CSMD1: variants seen among roughly 807,000 people sequenced by gnomAD.
CSMD1 encodes CUB and sushi domain-containing protein 1.
In CSMD1, 213 loss-of-function variants were observed where a neutral mutation model predicts 417.5. The observed-to-expected ratio is 0.51, with a 90% CI of 0.46 to 0.57. The LOEUF (loss-of-function observed/expected upper bound fraction) is 0.57, where lower values mean the gene tolerates loss of function less well. CSMD1 is among the 20% of genes least tolerant of loss of function. CSMD1 has a pLI of 0.00. For missense variants in CSMD1, 6,923 were observed against 4,529.7 expected, an observed-to-expected ratio of 1.53 and a Z score of -15.17; for synonymous variants, 2,862 against 1,736.8, an observed-to-expected ratio of 1.65 and a Z score of -16.11.
In CSMD1 at chr8:3,401,024, G is replaced by A. The variant is rs908963305; in HGVS notation, c.2267-1495C>T. On this transcript the variant is annotated intron_variant, in intron 15 of 69. Coordinates refer to ENST00000635120, the MANE Select transcript of CSMD1 (RefSeq NM_033225.6). ...TCTTAAATTCACATTTGCAGCCTATGAATCACATATCGATATACATAATTA... is the reference window on the plus strand; with the variant it reads ...TCTTAAATTCACATTTGCAGCCTATAAATCACATATCGATATACATAATTA... 1.5e-4 allele frequency among the ~76,000 whole-genome samples: 22 copies of A among 151,652 alleles called. No individual in the cohort carries two copies. In the South Asian group the frequency reaches 4.2e-3, roughly 29 times the overall value.
At chr8:3,610,275 G>A (rs547660245) in intron 8 of CSMD1, among the ~76,000 whole-genome samples, 6 of 152,156 alleles carry the variant, frequency 3.9e-5, no homozygotes, top group Admixed American at 6.6e-5. Flanking sequence ...CACGGTATCA[G>A]TAATTCCAGC....
intron 7 of CSMD1, among the ~76,000 whole-genome samples, chr8:3,703,763 T>C (rs1801006794): frequency 6.6e-6 from 1 of 152,254 alleles, no homozygotes; most frequent in East Asian, 1.9e-4. Flanking sequence ...GGCCAGCTAT[T>C]ACATACCTGT....
intron 1 of CSMD1, among the ~76,000 whole-genome samples, chr8:4,778,582 T>G (rs765785867): frequency 3.3e-5 from 5 of 152,216 alleles, no homozygotes; most frequent in Non-Finnish European, 5.9e-5. Context: ...ACCTGGAAAT[T>G]CCGTGAGAGG....
intron 4 of CSMD1, among the ~76,000 whole-genome samples, chr8:4,022,645 G>T (rs986886023): frequency 2.0e-5 from 3 of 152,170 alleles, no homozygotes; most frequent in Non-Finnish European, 4.4e-5. Context: ...CCCTCTGGGT[G>T]AGCGCTCAGG....
intron 3 of CSMD1, among the ~76,000 whole-genome samples, chr8:4,385,440 G>A (rs545099625): frequency 4.6e-5 from 7 of 152,238 alleles, no homozygotes; most frequent in Admixed American, 2.6e-4. Context: ...CTTAGTACAT[G>A]TTTCTTTTCT....
intron 33 of CSMD1, among the ~76,000 whole-genome samples, chr8:3,196,645 G>C (rs770055450): frequency 2.0e-5 from 3 of 152,136 alleles, no homozygotes; most frequent in Non-Finnish European, 2.9e-5. Flanking sequence ...TGATGAAGTG[G>C]TTGCTGATTC....
intron 7 of CSMD1, among the ~76,000 whole-genome samples, chr8:3,653,160 A>G (rs1335573781): frequency 1.3e-5 from 2 of 151,840 alleles, no homozygotes; most frequent in South Asian, 2.1e-4. Context: ...CAAGTTGCAT[A>G]TATTTTTAAA....
chr8:4,461,683 T>G (rs1246920954), intron 2 of CSMD1, among the ~76,000 whole-genome samples: 1 of 151,500 alleles, frequency 6.6e-6, no homozygotes, highest in Middle Eastern at 3.2e-3. Context: ...GCTGTATAGC[T>G]GGGGCCATGG....
chr8:4,497,142 G>GT (rs1349101303), intron 2 of CSMD1, among the ~76,000 whole-genome samples: 1 of 152,162 alleles, frequency 6.6e-6, no homozygotes, highest in Admixed American at 6.5e-5. Flanking sequence ...CCTTGACTCA[G>GT]TTTTTTGGTA....
intron 2 of CSMD1, among the ~76,000 whole-genome samples, chr8:4,563,092 T>C (rs1338500423): frequency 1.3e-5 from 2 of 152,092 alleles, no homozygotes; most frequent in East Asian, 3.9e-4. Context: ...TCTGGGTTTC[T>C]GGAATCTCCT....
At position 4,308,876 on chromosome 8, in the gene CSMD1, C is replaced by G. The variant is rs533039829; in HGVS notation, c.415+111077G>C. ...AAGGCATGTAATGATTATATTATAG[C>G]TATAAACACATGGTTTAAAATACTC... is the stretch of plus-strand genomic sequence containing the variant. On this transcript the variant is annotated intron_variant, in intron 3 of 69. Transcript: ENST00000635120. 1.6e-4 allele frequency among the ~76,000 whole-genome samples: 24 copies of G among 152,210 alleles called. No individual in the cohort carries two copies. In the South Asian group the frequency reaches 5.0e-3, roughly 32 times the overall value.
chr8:3,089,667 T>C (rs1266849768), intron 48 of CSMD1, among the ~76,000 whole-genome samples: 1 of 152,176 alleles, frequency 6.6e-6, no homozygotes, highest in Non-Finnish European at 1.5e-5. Flanking sequence ...GATCACTGAG[T>C]CATCAATTCT....
chr8:4,280,428 A>C (rs1796717032), intron 3 of CSMD1, among the ~76,000 whole-genome samples: 1 of 152,232 alleles, frequency 6.6e-6, no homozygotes, highest in African/African-American at 2.4e-5. Flanking sequence ...TAGTACCGAA[A>C]TGTGCGACCG....
intron 7 of CSMD1, among the ~76,000 whole-genome samples, chr8:3,670,578 G>C (rs796797759): frequency 2.6e-4 from 29 of 109,496 alleles, no homozygotes; most frequent in African/African-American, 5.4e-4. Context: ...ATATATATGG[G>C]ATATATATGG....
intron 1 of CSMD1, among the ~76,000 whole-genome samples, chr8:4,725,114 A>G (rs1809340335): frequency 1.3e-5 from 2 of 152,188 alleles, no homozygotes; most frequent in Non-Finnish European, 2.9e-5. Context: ...TGTATCCTGA[A>G]AGGTATATAT....
intron 1 of CSMD1, among the ~76,000 whole-genome samples, chr8:4,820,049 C>A (rs1799433200): frequency 6.6e-6 from 1 of 152,118 alleles, no homozygotes; most frequent in African/African-American, 2.4e-5. Flanking sequence ...CTTCCTGAAC[C>A]ACAGCAGTCT....
At chr8:3,400,512 T>G (rs1811972698) in intron 15 of CSMD1, among the ~76,000 whole-genome samples, 1 of 152,086 alleles carries the variant, frequency 6.6e-6, no homozygotes, top group Non-Finnish European at 1.5e-5. Flanking sequence ...ACCAATAGTA[T>G]CTTAATTTAC....
intron 6 of CSMD1, among the ~76,000 whole-genome samples, chr8:3,729,526 G>A (rs541839288): frequency 1.3e-5 from 2 of 152,310 alleles, no homozygotes; most frequent in South Asian, 2.1e-4. Flanking sequence ...ACCTGCCCAA[G>A]AGGAATCGAA....
At chr8:4,486,027 G>C (rs1801360437) in intron 2 of CSMD1, among the ~76,000 whole-genome samples, 1 of 150,598 alleles carries the variant, frequency 6.6e-6, no homozygotes, top group Non-Finnish European at 1.5e-5. Context: ...TTTTTTTCTA[G>C]CAATCCTGAC....
Sources: gnomAD v4.1 joint callset for allele counts (sites outside exome capture counted in the v4.1 genomes callset) on GRCh38, gnomAD v4.1.1 for gene constraint, MANE v1.5 for transcripts, NCBI Gene and HGNC (gene_info 2026-07-23, HGNC 2026-07-21) for gene names.